B3GALT1: variants seen among roughly 807,000 people sequenced by gnomAD.
B3GALT1 encodes UDP-Gal:betaGlcNAc beta 1,3-galactosyltransferase, polypeptide 1.
A neutral mutation model predicts 23.2 loss-of-function variants in B3GALT1; 10 were observed. The ratio of observed to expected loss-of-function variants is 0.43; its 90% CI spans 0.27 to 0.73. B3GALT1 has a LOEUF of 0.73. Ranked by LOEUF, B3GALT1 falls within the 30% of genes least tolerant of loss-of-function variation. B3GALT1 has a pLI of 0.21. For missense variants in B3GALT1, 299 were observed against 405.4 expected, an observed-to-expected ratio of 0.74 and a Z score of 2.25; for synonymous variants, 156 against 141.5, an observed-to-expected ratio of 1.10 and a Z score of -0.73.
intron 1 of B3GALT1, among the ~76,000 whole-genome samples, chr2:167,352,140 T>G (rs1354579615): frequency 1.3e-5 from 2 of 150,996 alleles, no homozygotes; most frequent in Non-Finnish European, 3.0e-5. Flanking sequence ...TTTTTTTTTT[T>G]TGTATTTTCG....
intron 1 of B3GALT1, among the ~76,000 whole-genome samples, chr2:167,431,097 C>A (rs1362706884): frequency 6.6e-6 from 1 of 151,944 alleles, no homozygotes; most frequent in Non-Finnish European, 1.5e-5. Flanking sequence ...ACTTTGATAG[C>A]CAATTGAGTG....
intron 4 of B3GALT1, among the ~76,000 whole-genome samples, chr2:167,836,846 A>C (rs1405815773): frequency 6.6e-6 from 1 of 152,232 alleles, no homozygotes; most frequent in African/African-American, 2.4e-5. Flanking sequence ...AAACTCTACA[A>C]GCCAGAAGAG....
intron 1 of B3GALT1, among the ~76,000 whole-genome samples, chr2:167,315,734 C>T (rs1696705841): frequency 6.6e-6 from 1 of 152,198 alleles, no homozygotes; most frequent in Admixed American, 6.5e-5. Context: ...ACAGACCTGA[C>T]TTCACAGTCT....
chr2:167,632,560 T>C (rs992833310), intron 2 of B3GALT1, among the ~76,000 whole-genome samples: 4 of 152,150 alleles, frequency 2.6e-5, no homozygotes, highest in African/African-American at 4.8e-5. Flanking sequence ...AATAAGTTTT[T>C]TTTTCATATG....
chr2:167,495,612 C>T lies in B3GALT1; in HGVS notation c.-410+5335C>T, dbSNP rs145485533. Among the ~76,000 whole-genome samples the T allele has an allele frequency of 8.7e-4, 132 of 152,180 alleles. 2 individuals carry two copies. In the East Asian group the frequency reaches 0.02, roughly 23 times the overall value. On this transcript the variant is annotated intron_variant, in intron 2 of 4. Coordinates refer to ENST00000392690, the MANE Select transcript of B3GALT1 (RefSeq NM_020981.4). ...CCTTCCAAAGTGCTGGGATTACAGG[C>T]GTGAGCCACCGTGCCCGGCTTTGCC...
At position 167,615,697 on chromosome 2, in the gene B3GALT1, G is replaced by A. The variant is rs548715881; in HGVS notation, c.-409-31212G>A. Among the ~76,000 whole-genome samples, 17 of 152,108 alleles carry A rather than the reference G, an allele frequency of 1.1e-4. No homozygotes were observed. The South Asian group carries it at 3.3e-3, about 30-fold the overall frequency. On this transcript the variant is annotated intron_variant, in intron 2 of 4. Coordinates refer to ENST00000392690, the MANE Select transcript of B3GALT1 (RefSeq NM_020981.4). ...GCAAACAATGTTAAGATTTAGGACAGAATACTAATATCTCTAATAAGAGTA... is the reference window on the plus strand; with the variant it reads ...GCAAACAATGTTAAGATTTAGGACAAAATACTAATATCTCTAATAAGAGTA...
intron 3 of B3GALT1, among the ~76,000 whole-genome samples, chr2:167,727,500 A>G (rs563983675): frequency 4.6e-5 from 7 of 152,280 alleles, no homozygotes; most frequent in Non-Finnish European, 8.8e-5. Context: ...CCAAAGATTC[A>G]TGTTCATTCC....
At chr2:167,834,167 TG>T (rs770508948) in intron 4 of B3GALT1, among the ~76,000 whole-genome samples, 14 of 152,208 alleles carry the variant, frequency 9.2e-5, no homozygotes, top group Non-Finnish European at 1.6e-4. Flanking sequence ...GTGGTATTCC[TG>T]TGGGTCATCA....
In B3GALT1 at chr2:167,352,740, C is replaced by G. The variant is rs532100976; in HGVS notation, c.-511+59406C>G. Among the ~76,000 whole-genome samples the G allele has an allele frequency of 3.4e-3, 514 of 151,286 alleles. 2 individuals carry two copies. The highest frequency in any genetic ancestry group is 0.012 in the African/African-American group (490 of 41,262). ...CATCTCAAAAAGAAAAAAAAACAAA[C>G]AAACTGTACCAAGAACTGGAAGGAC... On this transcript the variant is annotated intron_variant, in intron 1 of 4. Transcript: ENST00000392690.
chr2:167,754,685 A>G (rs1306552441), intron 3 of B3GALT1, among the ~76,000 whole-genome samples: 2 of 152,180 alleles, frequency 1.3e-5, no homozygotes, highest in African/African-American at 4.8e-5. Context: ...CATCAAGTCC[A>G]CATCTTACAA....
intron 1 of B3GALT1, among the ~76,000 whole-genome samples, chr2:167,311,916 A>G (rs184528608): frequency 3.3e-5 from 5 of 152,152 alleles, no homozygotes; most frequent in Non-Finnish European, 5.9e-5. Context: ...CAGAAGCAGT[A>G]TCTGATGGGA....
At chr2:167,343,984 C>T (rs925865554) in intron 1 of B3GALT1, among the ~76,000 whole-genome samples, 4 of 152,102 alleles carry the variant, frequency 2.6e-5, no homozygotes, top group African/African-American at 7.2e-5. Flanking sequence ...AACCTTGCCT[C>T]CAGAGAAAGA....
At chr2:167,461,030 C>G (rs963763831) in intron 1 of B3GALT1, among the ~76,000 whole-genome samples, 4 of 152,160 alleles carry the variant, frequency 2.6e-5, no homozygotes, top group African/African-American at 9.7e-5. Context: ...CCTTTGGAAG[C>G]CACTTCAGCT....
chr2:167,372,540 T>G (rs898430136), intron 1 of B3GALT1, among the ~76,000 whole-genome samples: 1 of 151,860 alleles, frequency 6.6e-6, no homozygotes, highest in African/African-American at 2.4e-5. Flanking sequence ...GCCCACAGAT[T>G]GGAAATGAAG....
chr2:167,420,902 C>T (rs181359711), intron 1 of B3GALT1, among the ~76,000 whole-genome samples: 2 of 152,058 alleles, frequency 1.3e-5, no homozygotes, highest in Admixed American at 6.6e-5. Flanking sequence ...GGACATTATT[C>T]GATATTGGAA....
intron 1 of B3GALT1, among the ~76,000 whole-genome samples, chr2:167,357,222 C>T (rs1312092587): frequency 1.3e-5 from 2 of 151,616 alleles, no homozygotes; most frequent in Non-Finnish European, 2.9e-5. Context: ...TTTTTTTGTG[C>T]CTTTCAAGTT....
chr2:167,358,905 C>T (rs528016011), intron 1 of B3GALT1, among the ~76,000 whole-genome samples: 9 of 152,210 alleles, frequency 5.9e-5, no homozygotes, highest in African/African-American at 1.2e-4. Context: ...TGGGTTCAAG[C>T]GATTCCACTG....
chr2:167,330,245 A>G (rs77257223), intron 1 of B3GALT1, among the ~76,000 whole-genome samples: 3,585 of 151,402 alleles, frequency 0.024, 85 homozygotes, highest in Middle Eastern at 0.051. Context: ...TGACTGGGTT[A>G]TTTTAACAGA....
chr2:167,680,223 G>A (rs955198978), intron 3 of B3GALT1, among the ~76,000 whole-genome samples: 3 of 152,108 alleles, frequency 2.0e-5, no homozygotes, highest in Non-Finnish European at 2.9e-5. Context: ...TCAGATGCAC[G>A]GAAGAGATTT....
Sources: gnomAD v4.1 joint callset for allele counts (sites outside exome capture counted in the v4.1 genomes callset) on GRCh38, gnomAD v4.1.1 for gene constraint, MANE v1.5 for transcripts, NCBI Gene and HGNC (gene_info 2026-07-23, HGNC 2026-07-21) for gene names.